The following MCC variants were observed in gnomAD, a reference collection of about 807,000 sequenced individuals.
MCC encodes colorectal mutant cancer protein.
A neutral mutation model predicts 116.2 loss-of-function variants in MCC; 90 were observed. The ratio of observed to expected loss-of-function variants is 0.77; its 90% CI spans 0.65 to 0.92. The LOEUF (loss-of-function observed/expected upper bound fraction) is 0.92, where lower values mean the gene tolerates loss of function less well. Ranked by LOEUF, MCC falls within the 40% of genes least tolerant of loss-of-function variation. MCC has a pLI of 0.00. For missense variants in MCC, 1,516 were observed against 1,312.2 expected, an observed-to-expected ratio of 1.16 and a Z score of -2.40; for synonymous variants, 578 against 510.5, an observed-to-expected ratio of 1.13 and a Z score of -1.78.
rs1754956634 is a variant in MCC, at chr5:113,082,904, T to A, written c.1740A>T (p.Glu580Asp). The change falls in exon 11 of 19, where the codon GAA becomes GAT. Residue 580 changes from glutamate to aspartate, a missense_variant. Coordinates refer to ENST00000408903, the MANE Select transcript of MCC (RefSeq NM_001085377.2). ...CCACCTCAAACTCTCTAATCTTGCT[T>A]TCTGAGATGGCAGATCCGTGTGAGT... ...TLYSHGSAIS[E>D]SKIREFEVET... The A allele has an allele frequency of 3.7e-6, 6 of 1,614,246 alleles. No homozygotes were observed. The highest frequency in any genetic ancestry group is 5.1e-6 in the Non-Finnish European group (6 of 1,180,038).
At chr5:113,049,452 G>A (rs1752345388) in intron 15 of MCC, among the ~76,000 whole-genome samples, 153 bp from the exon 16 acceptor site, 1 of 152,230 alleles carries the variant, frequency 6.6e-6, no homozygotes, top group East Asian at 1.9e-4. Context: ...TGAGTGGGAG[G>A]AGACGTGGCA....
intron 6 of MCC, among the ~76,000 whole-genome samples, chr5:113,120,742 G>C (rs529703286): frequency 4.5e-4 from 68 of 152,352 alleles, no homozygotes; most frequent in Non-Finnish European, 7.8e-4. Context: ...CAACGTGATA[G>C]TAAGATACAA....
chr5:113,320,148 C>A (rs922546280), intron 3 of MCC, among the ~76,000 whole-genome samples: 1 of 152,062 alleles, frequency 6.6e-6, no homozygotes, highest in Non-Finnish European at 1.5e-5. Context: ...TGCTTATTAG[C>A]GTATATAAAC....
intron 3 of MCC, among the ~76,000 whole-genome samples, chr5:113,164,600 C>T (rs187910356): frequency 6.6e-6 from 1 of 152,196 alleles, no homozygotes; most frequent in Admixed American, 6.5e-5. Context: ...TCATAGAATT[C>T]TCACAGTAAA....
At chr5:113,148,747 C>T (rs1759673770) in intron 4 of MCC, among the ~76,000 whole-genome samples, 1 of 151,908 alleles carries the variant, frequency 6.6e-6, no homozygotes. Context: ...GTTCTCTTTC[C>T]TAGGTTCCAG....
chr5:113,274,462 T>C (rs886865622), intron 3 of MCC, among the ~76,000 whole-genome samples: 3 of 152,176 alleles, frequency 2.0e-5, no homozygotes, highest in Non-Finnish European at 4.4e-5. Context: ...CGGGTTCAAA[T>C]GATTCTCCTG....
chr5:113,347,384 G>A (rs1768160743), intron 2 of MCC, among the ~76,000 whole-genome samples: 1 of 151,718 alleles, frequency 6.6e-6, no homozygotes, highest in South Asian at 2.1e-4. Context: ...TTCTTTTCGT[G>A]TTTTTTTGTT....
intron 3 of MCC, among the ~76,000 whole-genome samples, chr5:113,243,299 T>C (rs1764448060): frequency 1.3e-5 from 2 of 152,186 alleles, no homozygotes; most frequent in Non-Finnish European, 2.9e-5. Flanking sequence ...AAGATTATTT[T>C]ATTAAAAGAA....
At chr5:113,325,589 G>T (rs10037845) in intron 3 of MCC, among the ~76,000 whole-genome samples, 4,598 of 151,892 alleles carry the variant, frequency 0.03, 229 homozygotes, top group African/African-American at 0.1. Context: ...TGTGGGCTCA[G>T]AGAAACTTCA....
At chr5:113,433,327 C>A (rs957575231) in intron 1 of MCC, 14 of 336,366 alleles carry the variant, frequency 4.2e-5, no homozygotes, top group Non-Finnish European at 7.5e-5. Context: ...GTCTGGCCTC[C>A]CAGCAGGGTC....
intron 5 of MCC, among the ~76,000 whole-genome samples, chr5:113,125,475 C>A (rs112350107): frequency 0.02 from 2,995 of 152,236 alleles, 115 homozygotes; most frequent in African/African-American, 0.069. Context: ...TTCATGCACC[C>A]TGTTGTGTCT....
intron 2 of MCC, among the ~76,000 whole-genome samples, chr5:113,349,240 A>G (rs1011807226): frequency 6.6e-6 from 1 of 152,056 alleles, no homozygotes; most frequent in African/African-American, 2.4e-5. Flanking sequence ...AGAAAAAGAC[A>G]CATCAAAAAA....
intron 1 of MCC, among the ~76,000 whole-genome samples, chr5:113,388,875 G>A (rs752713981): frequency 4.6e-5 from 7 of 152,088 alleles, no homozygotes; most frequent in Non-Finnish European, 8.8e-5. Flanking sequence ...AAACCAAATC[G>A]GTCTGATTCT....
At chr5:113,074,532 T>C (rs1410581802) in intron 11 of MCC, among the ~76,000 whole-genome samples, 2 of 151,812 alleles carry the variant, frequency 1.3e-5, no homozygotes, top group Admixed American at 6.6e-5. Flanking sequence ...GGACAGAGAA[T>C]GACTTTGATG....
chr5:113,150,681 C>T (rs1759804316), intron 4 of MCC, among the ~76,000 whole-genome samples: 1 of 151,836 alleles, frequency 6.6e-6, no homozygotes, highest in Admixed American at 6.6e-5. Context: ...AAGATAGTAA[C>T]AGATAAAGAT....
intron 4 of MCC, among the ~76,000 whole-genome samples, chr5:113,147,325 C>T (rs1759580679): frequency 2.0e-5 from 3 of 152,114 alleles, no homozygotes; most frequent in African/African-American, 7.2e-5. Flanking sequence ...GACAGTCTGG[C>T]CTGAGAACTT....
intron 8 of MCC, among the ~76,000 whole-genome samples, chr5:113,099,322 A>C (rs1465538666): frequency 6.6e-6 from 1 of 152,188 alleles, no homozygotes; most frequent in African/African-American, 2.4e-5. Flanking sequence ...TTTGACTAAA[A>C]TGTGTCTATG....
chr5:113,342,944 A>G (rs956506343), intron 2 of MCC, among the ~76,000 whole-genome samples: 9 of 152,216 alleles, frequency 5.9e-5, no homozygotes, highest in African/African-American at 2.2e-4. Flanking sequence ...ATGAGAAATT[A>G]TAGTCCCTGC....
chr5:113,109,432 T>A lies in MCC; in HGVS notation c.1028-5077A>T, dbSNP rs369338598. 9.2e-4 allele frequency among the ~76,000 whole-genome samples: 140 copies of A among 152,284 alleles called. 1 individual carries two copies. Among genetic ancestry groups the A allele is most frequent in the African/African-American group, 3.2e-3 (134 of 41,544 alleles). ...ACAACATGACAAATATTTCCACTAA[T>A]ACAAGGTATCTAGAAGACGCAAATG... On this transcript the variant is annotated intron_variant, in intron 6 of 18. Coordinates refer to ENST00000408903, the MANE Select transcript of MCC (RefSeq NM_001085377.2).
Sources: gnomAD v4.1 joint callset for allele counts (sites outside exome capture counted in the v4.1 genomes callset) on GRCh38, gnomAD v4.1.1 for gene constraint, MANE v1.5 for transcripts, NCBI Gene and HGNC (gene_info 2026-07-23, HGNC 2026-07-21) for gene names.